GSDMA: variants seen among roughly 807,000 people sequenced by gnomAD.
GSDMA encodes gasdermin A.
GSDMA carries 55 observed loss-of-function variants against 54.3 expected under a neutral mutation model. The ratio of observed to expected loss-of-function variants is 1.01; its 90% CI spans 0.82 to 1.27. GSDMA has a LOEUF of 1.27. Ranked by LOEUF, GSDMA falls within the 50% of genes most tolerant of loss-of-function variation. The pLI is 0.00. For missense variants in GSDMA, 542 were observed against 542.6 expected (o/e 1.00, Z 0.01); for synonymous variants, 211 against 224.7 (o/e 0.94, Z 0.54).
rs1598309010 is a variant in GSDMA at position 39,977,243 on chromosome 17, A to C, written c.*185A>C. On this transcript the variant is annotated 3_prime_UTR_variant, in exon 12 of 12. Coordinates refer to ENST00000301659, the MANE Select transcript of GSDMA (RefSeq NM_178171.5). ...CACCCCCTACCCCTCCAGCTCCGCA[A>C]CCCACTAAGCCCATCTGCTGATGCT... is the stretch of plus-strand genomic sequence containing the variant. 2 of 624,210 alleles carry C rather than the reference A, an allele frequency of 3.2e-6. No homozygotes were observed. Among genetic ancestry groups the C allele is most frequent in the Non-Finnish European group, 2.8e-6 (1 of 362,652 alleles). The allele number at this position is 624,210 out of a possible 1,614,324, so 38.7% of individuals were successfully genotyped here.
Position 39,977,199 on chromosome 17 carries a change from C to T in GSDMA, c.*141C>T. The T allele has an allele frequency of 1.0e-6, 1 of 973,574 alleles. No individual in the cohort carries two copies. Among genetic ancestry groups the T allele is most frequent in the South Asian group, 1.6e-5 (1 of 63,646 alleles). The allele number at this position is 973,574 out of a possible 1,614,324, so 60.3% of individuals were successfully genotyped here. On this transcript the variant is annotated 3_prime_UTR_variant, in exon 12 of 12. Coordinates refer to ENST00000301659, the MANE Select transcript of GSDMA (RefSeq NM_178171.5). ...CTGGTCACCCATGATAACCAACTTC[C>T]ACCTGCCCAACCATATATCACCCCC...
At chr17:39,971,822 A>C (rs759915322) in intron 5 of GSDMA, among the ~76,000 whole-genome samples, 23 of 152,288 alleles carry the variant, frequency 1.5e-4, no homozygotes, top group Middle Eastern at 6.8e-3. Flanking sequence ...GGTGCTGGGC[A>C]CTGTGGTTAT....
Position 39,972,608 on chromosome 17 carries a change from T to C in GSDMA, c.725T>C (p.Val242Ala), listed in dbSNP as rs761439038. 3.1e-6 allele frequency: 5 copies of C among 1,612,542 alleles called. No individual in the cohort carries two copies. Among genetic ancestry groups the C allele is most frequent in the Non-Finnish European group, 4.2e-6 (5 of 1,179,154 alleles). ...TCAGAAAAGTCAGGAGAGGAGAAGG[T>C]CATCCGTAAGTGTTTCCTTTCATTC... is the stretch of plus-strand genomic sequence containing the variant. ...PPGEKSGEEKVILIQASDVGD... is the reference protein window; with the variant it reads ...PPGEKSGEEKAILIQASDVGD... Residue 242 changes from valine (V) to alanine (A), a missense_variant, in exon 7 of 12, where the codon GTC (valine) becomes GCC (alanine). Transcript: ENST00000301659.
chr17:39,965,601 T>G, intron 1 of GSDMA, 82 bp from the exon 2 acceptor site: 1 of 1,003,552 alleles, frequency 1.0e-6, no homozygotes, highest in Non-Finnish European at 1.5e-6. Flanking sequence ...AAACTCTCTC[T>G]GCAGGGGCCC....
In GSDMA at chr17:39,965,942, G is replaced by A. The variant is rs1255416589; in HGVS notation, c.214+41G>A. On this transcript the variant is annotated intron_variant, in intron 2 of 11. Transcript: ENST00000301659. ...GGCTGGGAACTGAGGGATACTGAGG[G>A]ACAGGGGCTGGGCACCTGGCCTGCA... 6 of 1,529,426 alleles carry A rather than the reference G, an allele frequency of 3.9e-6. No individual in the cohort carries two copies. In the East Asian group the frequency reaches 1.5e-4, roughly 37 times the overall value. The allele number at this position is 1,529,426 out of a possible 1,614,324, so 94.7% of individuals were successfully genotyped here. A position where few individuals can be genotyped will look rare whatever the true frequency, so the allele number is the denominator to read the frequency against.
Position 39,965,778 on chromosome 17 carries a change from A to T in GSDMA, c.91A>T (p.Lys31Ter). Residue 31 changes from lysine to a stop codon, truncating the protein, a stop_gained, in exon 2 of 12, where the codon AAG (lysine) becomes TAG (stop). Coordinates refer to ENST00000301659, the MANE Select transcript of GSDMA (RefSeq NM_178171.5). LOFTEE classifies it high-confidence loss of function. Reference sequence around the variant, plus strand: ...ACCACTTGACAGCCTCATCGACTTCAAGCGCTTCCATCCCTTCTGCCTGGT... The same window carrying T: ...ACCACTTGACAGCCTCATCGACTTCTAGCGCTTCCATCCCTTCTGCCTGGT... ...LTPLDSLIDF[K>*]RFHPFCLVLR... The T allele has an allele frequency of 1.2e-6, 2 of 1,610,002 alleles. No homozygotes were observed. Among genetic ancestry groups the T allele is most frequent in the Non-Finnish European group, 1.7e-6 (2 of 1,178,206 alleles).
intron 3 of GSDMA, among the ~76,000 whole-genome samples, chr17:39,969,853 G>A (rs752990588): frequency 2.0e-5 from 3 of 149,460 alleles, no homozygotes; most frequent in Non-Finnish European, 3.0e-5. Context: ...GTGAGACTCC[G>A]TCTCAAAAAA....
intron 7 of GSDMA, 67 bp from the exon 8 acceptor site, chr17:39,973,743 A>T (rs60137005): frequency 0.44 from 598,108 of 1,350,822 alleles, 134,987 homozygotes; most frequent in East Asian, 0.51. Context: ...TAGTGTCTCA[A>T]CCCCTGGGTA....
intron 1 of GSDMA, among the ~76,000 whole-genome samples, chr17:39,965,195 G>A (rs1446524811): frequency 1.4e-5 from 2 of 141,264 alleles, no homozygotes; most frequent in Non-Finnish European, 3.0e-5. Context: ...GGAAGGAAGG[G>A]AGAGGGGGAA....
chr17:39,970,609 T>G lies in GSDMA; in HGVS notation c.520T>G (p.Cys174Gly). 1 of 1,585,084 alleles carries G rather than the reference T, an allele frequency of 6.3e-7. No homozygotes were observed. Among genetic ancestry groups the G allele is most frequent in the Non-Finnish European group, 8.6e-7 (1 of 1,166,046 alleles). ...TLERAGKAEA[C>G]FSLPFFAPLG... ...GGAGCGAGCCGGCAAGGCAGAGGCC[T>G]GCTTCTCCCTCCCCTTCTTCGCCCC... The change falls in exon 4 of 12, where the codon TGC (cysteine) becomes GGC (glycine). Residue 174 changes from cysteine to glycine, a missense_variant. Cys to Gly is a radical substitution (Grantham distance 159, BLOSUM62 -3). Coordinates refer to ENST00000301659, the MANE Select transcript of GSDMA (RefSeq NM_178171.5).
chr17:39,968,308 G>T (rs989053435), intron 3 of GSDMA, among the ~76,000 whole-genome samples: 1 of 148,370 alleles, frequency 6.7e-6, no homozygotes, highest in African/African-American at 2.5e-5. Flanking sequence ...CAAAAGTGCT[G>T]GGATTACAGG....
At chr17:39,968,251 G>A (rs1226088529) in intron 3 of GSDMA, among the ~76,000 whole-genome samples, 1 of 151,348 alleles carries the variant, frequency 6.6e-6, no homozygotes, top group Non-Finnish European at 1.5e-5. Context: ...TGTTAGTCAG[G>A]CTGGTCTTGT....
intron 7 of GSDMA, 29 bp downstream of exon 7, chr17:39,972,642 C>T (rs1447592261): frequency 6.3e-7 from 1 of 1,599,130 alleles, no homozygotes; most frequent in Non-Finnish European, 8.6e-7. Context: ...TCCACTGAAA[C>T]TTTCTTGACT....
Position 39,968,339 on chromosome 17 carries a change from C to CTTTTTT in GSDMA, c.392+1923_392+1928dup, listed in dbSNP as rs60315845. On this transcript the variant is annotated intron_variant, in intron 3 of 11. Coordinates refer to ENST00000301659, the MANE Select transcript of GSDMA (RefSeq NM_178171.5). ...ACAGGCGTGAGCCACTGAGCCCGGT[C>CTTTTTT]TTTTTTTTTTTTTTTTTTTTTTTTT... Among the ~76,000 whole-genome samples the CTTTTTT allele has an allele frequency of 6.2e-3, 255 of 41,348 alleles. 38 individuals are homozygous for CTTTTTT. Among genetic ancestry groups the CTTTTTT allele is most frequent in the Middle Eastern group, 0.026 (1 of 38 alleles). 27.1% of individuals were successfully genotyped at this position (41,348 alleles called of 152,430 possible).
chr17:39,963,628 C>T (rs568499581), intron 1 of GSDMA, among the ~76,000 whole-genome samples: 4 of 152,058 alleles, frequency 2.6e-5, no homozygotes, highest in African/African-American at 7.3e-5. Flanking sequence ...GTGAGATGGG[C>T]GGATCACCTG....
rs1302476269 is a variant in GSDMA at position 39,970,503 on chromosome 17, A to T, written c.414A>T (p.Pro138=). 1 of 1,585,346 alleles carries T rather than the reference A, an allele frequency of 6.3e-7. No homozygotes were observed. The highest frequency in any genetic ancestry group is 1.4e-5 in the African/African-American group (1 of 73,298). ...ACAGGAAGCTGGCAGCAGACCACCCATTCCTGAAGGAGATGCAAGATCAAG... is the reference window on the plus strand; with the variant it reads ...ACAGGAAGCTGGCAGCAGACCACCCTTTCCTGAAGGAGATGCAAGATCAAG... ...VQERKLAADH[P]FLKEMQDQGE... Residue 138 remains proline (P), a synonymous_variant, in exon 4 of 12, where the codon CCA becomes CCT. Transcript: ENST00000301659.
intron 10 of GSDMA, 124 bp from the exon 11 acceptor site, chr17:39,975,800 C>T: frequency 4.4e-6 from 3 of 678,216 alleles, no homozygotes; most frequent in Admixed American, 2.7e-5. Context: ...GCTATGGCTC[C>T]CTTAACACCT....
rs1287679697 is a variant in GSDMA, at chr17:39,974,908, G to A, written c.915G>A (p.Gly305=). ...ELQDLELALE[G]ALDKGHEVTL... ...CCCACCTTCCCCCACAGCTTGAAGG[G>A]GCTCTAGACAAGGGACATGAAGTGA... Residue 305 remains glycine, a synonymous_variant, in exon 10 of 12, where the codon GGG becomes GGA. Coordinates refer to ENST00000301659, the MANE Select transcript of GSDMA (RefSeq NM_178171.5). 2 of 1,601,838 alleles carry A rather than the reference G, an allele frequency of 1.2e-6. No homozygotes were observed. Among genetic ancestry groups the A allele is most frequent in the East Asian group, 2.2e-5 (1 of 44,802 alleles).
rs942991179 is a variant in GSDMA, at chr17:39,977,652, C to G, written c.*594C>G. The G allele has an allele frequency of 7.1e-6, 1 of 140,624 alleles. No individual in the cohort carries two copies. Among genetic ancestry groups the G allele is most frequent in the Non-Finnish European group, 1.6e-5 (1 of 62,766 alleles). 8.7% of individuals were successfully genotyped at this position (140,624 alleles called of 1,614,324 possible). On this transcript the variant is annotated 3_prime_UTR_variant, in exon 12 of 12. Transcript: ENST00000301659. ...CTTTTAAAACTATGAGCCGTTTCAG[C>G]AAAACTGAGAAAAAAAGAAGATTAA...
Sources: allele counts gnomAD v4.1 joint callset (sites outside exome capture counted in the v4.1 genomes callset), GRCh38; gene constraint gnomAD v4.1.1; transcripts MANE v1.5; gene names NCBI Gene and HGNC (gene_info 2026-07-23, HGNC 2026-07-21).